Variants in PINK1 observed in about 807,000 individuals in gnomAD.
PINK1 encodes serine/threonine-protein kinase PINK1, mitochondrial.
PINK1 carries 58 observed loss-of-function variants against 56.0 expected under a neutral mutation model. That is an observed-to-expected ratio of 1.04 (90% CI 0.84 to 1.29). The LOEUF is 1.29. PINK1 is among the 50% of genes most tolerant of loss of function. PINK1 has a pLI of 0.00. For missense variants in PINK1, 745 were observed against 777.9 expected (o/e 0.96, Z 0.50); for synonymous variants, 354 against 339.3 (o/e 1.04, Z -0.48).
chr1:20,641,698 A>T lies in PINK1; in HGVS notation c.776+1706A>T, dbSNP rs2053116980. 6.6e-6 allele frequency among the ~76,000 whole-genome samples: 1 copy of T among 151,988 alleles called. No individual in the cohort carries two copies. ...CTGCTCTCCTGGGGCCCAGAGATTGAAGGCGCTTAACCTGCTCATCTCACC... is the reference window on the plus strand; with the variant it reads ...CTGCTCTCCTGGGGCCCAGAGATTGTAGGCGCTTAACCTGCTCATCTCACC... On this transcript the variant is annotated intron_variant, in intron 3 of 7. Transcript: ENST00000321556. The surrounding 1 kb of genome is among the most constrained non-coding windows in gnomAD (Gnocchi z 4.0).
At chr1:20,650,123 T>TA in intron 7 of PINK1, 1 of 438,496 alleles carries the variant, frequency 2.3e-6, no homozygotes, top group South Asian at 2.1e-5. Flanking sequence ...TATGAAATGA[T>TA]AGAGGAGACT....
intron 1 of PINK1, among the ~76,000 whole-genome samples, chr1:20,635,143 T>A (rs1315838692): frequency 2.0e-5 from 3 of 152,332 alleles, no homozygotes; most frequent in East Asian, 1.9e-4. Context: ...CACACACACC[T>A]TCTTCGCACA....
chr1:20,640,961 A>G (rs2053109893), intron 3 of PINK1, among the ~76,000 whole-genome samples: 1 of 152,058 alleles, frequency 6.6e-6, no homozygotes, highest in Non-Finnish European at 1.5e-5. Context: ...ATTTGAGTCC[A>G]GGGAGGTTGA....
chr1:20,643,295 C>T (rs550948913), intron 3 of PINK1, among the ~76,000 whole-genome samples: 1 of 152,364 alleles, frequency 6.6e-6, no homozygotes, highest in African/African-American at 2.4e-5. Context: ...GCAGAGCCAC[C>T]CCATCCAAAA....
intron 5 of PINK1, among the ~76,000 whole-genome samples, chr1:20,647,466 CTTTTTT>C (rs34054663): frequency 9.6e-5 from 7 of 73,202 alleles, no homozygotes; most frequent in Non-Finnish European, 1.4e-4. Context: ...TGGGAGTTGG[CTTTTTT>C]TTTTTTTTTT....
Position 20,644,744 on chromosome 1 carries a change from G to C in PINK1, c.959+72G>C, listed in dbSNP as rs115998841. ...AGGGGAGCTGGTTCCTGCCCTCCAT[G>C]TGCACCTTGATCAGGGGGTTTTGGA... On this transcript the variant is annotated intron_variant, in intron 4 of 7. Transcript: ENST00000321556. 5.8e-3 allele frequency: 9,046 copies of C among 1,563,696 alleles called. 195 individuals carry two copies. Among genetic ancestry groups the C allele is most frequent in the African/African-American group, 0.051 (3,754 of 73,940 alleles).
chr1:20,650,332 T>C (rs1445153977), intron 7 of PINK1, 102 bp from the exon 8 acceptor site: 1 of 1,468,290 alleles, frequency 6.8e-7, no homozygotes, highest in African/African-American at 1.4e-5. Context: ...GAGGAAGAAT[T>C]GGGTTGGGAC....
rs1337456205 is a variant in PINK1, at chr1:20,651,105, T to C, written c.*414T>C. On this transcript the variant is annotated 3_prime_UTR_variant, in exon 8 of 8. Transcript: ENST00000321556. ...CAGACATCAACATGGGTCAGCACGTTCAGTTACGGGAGTGGGAAATTACAT... is the reference window on the plus strand; with the variant it reads ...CAGACATCAACATGGGTCAGCACGTCCAGTTACGGGAGTGGGAAATTACAT... 1 of 282,912 alleles carries C rather than the reference T, an allele frequency of 3.5e-6. No individual in the cohort carries two copies. The highest frequency in any genetic ancestry group is 2.2e-5 in the African/African-American group (1 of 45,926). 17.5% of individuals were successfully genotyped at this position (282,912 alleles called of 1,614,324 possible).
rs1427627632 is a variant in PINK1 at position 20,649,198 on chromosome 1, G to A, written c.1455G>A (p.Leu485=). 1.2e-6 allele frequency: 2 copies of A among 1,614,162 alleles called. No individual in the cohort carries two copies. The highest frequency in any genetic ancestry group is 1.7e-6 in the Non-Finnish European group (2 of 1,180,024). ...CAGTGCCTCCAGACGTGAGACAGTT[G>A]GTGAGGGCACTGCTCCAGCGAGAGG... The part of the protein sequence containing the change: ...PESVPPDVRQ[L]VRALLQREAS... The change falls in exon 7 of 8, where the codon TTG becomes TTA. Residue 485 remains leucine (L), a synonymous_variant. Transcript: ENST00000321556.
intron 3 of PINK1, among the ~76,000 whole-genome samples, chr1:20,640,806 G>C (rs2053108377): frequency 6.6e-6 from 1 of 152,176 alleles, no homozygotes; most frequent in African/African-American, 2.4e-5. Flanking sequence ...GGGAGGCTGA[G>C]GTAGGCAGAT....
Position 20,645,654 on chromosome 1 carries a change from C to T in PINK1, c.1054C>T (p.His352Tyr), listed in dbSNP as rs1228820479. The T allele has an allele frequency of 6.2e-7, 1 of 1,613,998 alleles. No individual in the cohort carries two copies. The highest frequency in any genetic ancestry group is 1.3e-5 in the African/African-American group (1 of 74,896). ...GCTGCAGCTGCTGGAAGGCGTGGAC[C>T]ATCTGGTTCAACAGGGCATCGCGCA... ...MLLQLLEGVD[H>Y]LVQQGIAHRD... The change falls in exon 5 of 8, where the codon CAT becomes TAT. Residue 352 changes from histidine to tyrosine, a missense_variant. Transcript: ENST00000321556.
intron 3 of PINK1, among the ~76,000 whole-genome samples, chr1:20,640,371 T>G (rs1170680504): frequency 6.6e-6 from 1 of 151,456 alleles, no homozygotes; most frequent in Middle Eastern, 3.2e-3. Context: ...CTAATAGTTA[T>G]GTGCACTGAT....
At chr1:20,637,194 G>A (rs183255159) in intron 1 of PINK1, among the ~76,000 whole-genome samples, 70 of 152,334 alleles carry the variant, frequency 4.6e-4, no homozygotes, top group East Asian at 1.7e-3. Context: ...TGACGTCACC[G>A]CTGCCTGAAG....
Position 20,646,202 on chromosome 1 carries a change from G to A in PINK1, c.1123+479G>A, listed in dbSNP as rs553414861. On this transcript the variant is annotated intron_variant, in intron 5 of 7. Transcript: ENST00000321556. The stretch of plus-strand genomic sequence containing the variant: ...CCCAGCTACTTGGGAGGCTGAGGTC[G>A]GAGGATCACTTGAGCCTAGGAGTTA... 6.2e-4 allele frequency among the ~76,000 whole-genome samples: 95 copies of A among 152,184 alleles called. 1 individual carries two copies. The highest frequency in any genetic ancestry group is 3.4e-3 in the Middle Eastern group (1 of 294).
At chr1:20,642,008 G>T (rs977366262) in intron 3 of PINK1, among the ~76,000 whole-genome samples, 2 of 152,200 alleles carry the variant, frequency 1.3e-5, no homozygotes, top group Non-Finnish European at 2.9e-5. Context: ...TTGCCCAGGG[G>T]CCCGAGGGTG....
chr1:20,648,940 A>G (rs1280510490), intron 6 of PINK1, 55 bp from the exon 7 acceptor site: 6 of 1,559,360 alleles, frequency 3.8e-6, no homozygotes, highest in East Asian at 2.2e-5. Context: ...TGTGCAGGAC[A>G]TGAAAAGGTT....
chr1:20,645,775 CAGGAGCATTTAGG>C, intron 5 of PINK1, 52 bp downstream of exon 5: 1 of 1,611,086 alleles, frequency 6.2e-7, no homozygotes, highest in East Asian at 2.2e-5. Context: ...GAGGGTGGGT[CAGGAGCATTTAGG>C]ACTGACTCTT....
In PINK1 at chr1:20,645,674, C is replaced by T. The variant is rs1234101255; in HGVS notation, c.1074C>T (p.Ile358=). 10 of 1,613,872 alleles carry T rather than the reference C, an allele frequency of 6.2e-6. No individual in the cohort carries two copies. Among genetic ancestry groups the T allele is most frequent in the Middle Eastern group, 1.6e-4 (1 of 6,082 alleles). Residue 358 remains isoleucine (I), a synonymous_variant, in exon 5 of 8, where the codon ATC becomes ATT. Coordinates refer to ENST00000321556, the MANE Select transcript of PINK1 (RefSeq NM_032409.3). ...TGGACCATCTGGTTCAACAGGGCAT[C>T]GCGCACAGAGACCTGAAATCCGACA... ...EGVDHLVQQG[I]AHRDLKSDNI... is the part of the protein sequence containing the mutation.
At chr1:20,639,428 T>G in intron 2 of PINK1, 1 of 251,746 alleles carries the variant, frequency 4.0e-6, no homozygotes. Context: ...CACTCTTTGG[T>G]TTTTGTCTGT....
Sources: allele counts gnomAD v4.1 joint callset (sites outside exome capture counted in the v4.1 genomes callset), GRCh38; gene constraint gnomAD v4.1.1; non-coding constraint Gnocchi (gnomAD v3.1); transcripts MANE v1.5; gene names NCBI Gene and HGNC (gene_info 2026-07-23, HGNC 2026-07-21).